The following RFX3 variants were observed in gnomAD, a reference collection of about 807,000 sequenced individuals.
RFX3 encodes regulatory factor X3.
Under a neutral mutation model 98.6 loss-of-function variants are expected in RFX3, and 14 were observed. That is an observed-to-expected ratio of 0.14 (90% CI 0.09 to 0.22). The LOEUF (loss-of-function observed/expected upper bound fraction) is 0.22. Among genes scored for constraint, RFX3 ranks in the 10% least tolerant of loss-of-function variants. The pLI, the probability that RFX3 is intolerant of heterozygous loss-of-function variation, is 1.00. For missense variants in RFX3, 639 were observed against 926.9 expected (o/e 0.69, Z 4.03); for synonymous variants, 383 against 328.4 (o/e 1.17, Z -1.80).
Position 3,395,687 on chromosome 9 carries a change from C to A in RFX3, c.-8-91G>T, listed in dbSNP as rs373720411. Reference sequence around the variant, plus strand: ...TTGTTCTTAAAATCCTATACTGAAACTAACTTTCAACTCTCATACCTCTTA... The same window carrying A: ...TTGTTCTTAAAATCCTATACTGAAAATAACTTTCAACTCTCATACCTCTTA... On this transcript the variant is annotated intron_variant, in intron 1 of 16. Transcript: ENST00000617270. The A allele has an allele frequency of 7.5e-5, 104 of 1,384,786 alleles. 2 individuals are homozygous for A. The African/African-American group carries it at 1.3e-3, about 17-fold the overall frequency. 85.8% of individuals were successfully genotyped at this position (1,384,786 alleles called of 1,614,324 possible).
chr9:3,246,232 C>T (rs7873658), intron 15 of RFX3, among the ~76,000 whole-genome samples: 27,122 of 151,750 alleles, frequency 0.18, 2,873 homozygotes, highest in African/African-American at 0.3. Context: ...TTAGATTTTA[C>T]GTATATATCT....
intron 4 of RFX3, among the ~76,000 whole-genome samples, chr9:3,313,077 C>G (rs1416655609): frequency 6.6e-6 from 1 of 152,202 alleles, no homozygotes; most frequent in Non-Finnish European, 1.5e-5. Context: ...TCAAGTGGGT[C>G]CCTGACCACC....
At chr9:3,454,339 C>G (rs1393133980) in intron 1 of RFX3, among the ~76,000 whole-genome samples, 1 of 152,160 alleles carries the variant, frequency 6.6e-6, no homozygotes, top group Admixed American at 6.5e-5. Context: ...TTGAATGCAA[C>G]TTCAGATATG....
intron 1 of RFX3, among the ~76,000 whole-genome samples, chr9:3,415,011 CATATATATACTTATATATTTACTTTT>C (rs1842845067): frequency 7.6e-6 from 1 of 132,412 alleles, no homozygotes; most frequent in Non-Finnish European, 1.6e-5. Flanking sequence ...TATATATACT[CATATATATACTTATATATTTACTTTT>C]ATATATATAC....
chr9:3,469,776 G>C (rs1192454552), intron 1 of RFX3, among the ~76,000 whole-genome samples: 3 of 151,104 alleles, frequency 2.0e-5, no homozygotes, highest in African/African-American at 7.3e-5. Context: ...AAAAATTATA[G>C]ATCATGTTGC....
rs1817284332 is a variant in RFX3, at chr9:3,220,499, T to C, written c.*4543A>G. 2 of 149,082 alleles carry C rather than the reference T, an allele frequency of 1.3e-5. No individual in the cohort carries two copies. The highest frequency in any genetic ancestry group is 6.7e-5 in the Admixed American group (1 of 14,984). 9.2% of individuals were successfully genotyped at this position (149,082 alleles called of 1,614,324 possible). A position where few individuals can be genotyped will look rare whatever the true frequency, so the allele number is the denominator to read the frequency against. ...TATGGTGTGATACTAGAAAAGTTGA[T>C]TTTTTTTTTCTGTAAACAGTACACT... On this transcript the variant is annotated 3_prime_UTR_variant, in exon 17 of 17. Coordinates refer to ENST00000617270, the MANE Select transcript of RFX3 (RefSeq NM_001282116.2).
intron 1 of RFX3, among the ~76,000 whole-genome samples, chr9:3,463,876 G>A (rs368569903): frequency 6.6e-6 from 1 of 152,084 alleles, no homozygotes; most frequent in Non-Finnish European, 1.5e-5. Context: ...CAGAGGGTGA[G>A]GTGGGAGGAT....
Position 3,505,250 on chromosome 9 carries a change from ATG to A in RFX3, c.-9+20495_-9+20496del, listed in dbSNP as rs1816862904. Reference sequence around the variant, plus strand: ...TATATGAATATATATTTATATATATATGAATATATATTTATATATATATGAAT... The same window carrying A: ...TATATGAATATATATTTATATATATAAATATATATTTATATATATATGAAT... On this transcript the variant is annotated intron_variant, in intron 1 of 16. Transcript: ENST00000617270. Among the ~76,000 whole-genome samples, 6 of 75,746 alleles carry A rather than the reference ATG, an allele frequency of 7.9e-5. No homozygotes were observed. In the South Asian group the frequency reaches 2.4e-3, roughly 30 times the overall value. 49.7% of individuals were successfully genotyped at this position (75,746 alleles called of 152,430 possible). A position where few individuals can be genotyped will look rare whatever the true frequency, so the allele number is the denominator to read the frequency against.
At chr9:3,287,153 G>C (rs933730897) in intron 7 of RFX3, among the ~76,000 whole-genome samples, 18 of 151,788 alleles carry the variant, frequency 1.2e-4, no homozygotes, top group African/African-American at 4.4e-4. Flanking sequence ...TGACTAAATA[G>C]TATAAAATTA....
intron 15 of RFX3, chr9:3,247,798 G>C (rs770196841): frequency 6.2e-7 from 1 of 1,605,180 alleles, no homozygotes; most frequent in South Asian, 1.1e-5. Flanking sequence ...ATAATATAGA[G>C]ACACATTCCA....
chr9:3,450,362 CAG>C (rs1194047735), intron 1 of RFX3, among the ~76,000 whole-genome samples: 2 of 152,040 alleles, frequency 1.3e-5, no homozygotes, highest in African/African-American at 2.4e-5. Flanking sequence ...TAACTATCCT[CAG>C]AGGTCATGTT....
chr9:3,247,314 A>G lies in RFX3; in HGVS notation c.1968+718T>C, dbSNP rs180929535. 1.8e-3 allele frequency: 1,826 copies of G among 987,182 alleles called. 8 individuals carry two copies. The highest frequency in any genetic ancestry group is 1.9e-3 in the Non-Finnish European group (1,542 of 831,146). The allele number at this position is 987,182 out of a possible 1,614,324, so 61.2% of individuals were successfully genotyped here. On this transcript the variant is annotated intron_variant, in intron 15 of 16. Coordinates refer to ENST00000617270, the MANE Select transcript of RFX3 (RefSeq NM_001282116.2). ...TTTTGATGACTATTCAGAAATTCTGAAGAAGAGAATTTTCCCCCTTACATC... is the reference window on the plus strand; with the variant it reads ...TTTTGATGACTATTCAGAAATTCTGGAGAAGAGAATTTTCCCCCTTACATC...
intron 9 of RFX3, among the ~76,000 whole-genome samples, chr9:3,272,278 G>C (rs1374059926): frequency 2.0e-5 from 3 of 152,064 alleles, no homozygotes; most frequent in African/African-American, 7.2e-5. Flanking sequence ...GCCCCACAAA[G>C]ATCTATAAAA....
intron 1 of RFX3, among the ~76,000 whole-genome samples, chr9:3,399,891 G>T (rs1841307281): frequency 6.6e-6 from 1 of 151,538 alleles, no homozygotes; most frequent in Admixed American, 6.6e-5. Context: ...AGAGGTTGCG[G>T]TGAGCCAAGA....
intron 1 of RFX3, among the ~76,000 whole-genome samples, chr9:3,480,764 G>T (rs1212470140): frequency 6.6e-6 from 1 of 152,154 alleles, no homozygotes; most frequent in Non-Finnish European, 1.5e-5. Flanking sequence ...CTAAGCTTCA[G>T]CTGCTGTATT....
chr9:3,281,482 T>C (rs1825907364), intron 7 of RFX3, among the ~76,000 whole-genome samples: 1 of 151,766 alleles, frequency 6.6e-6, no homozygotes, highest in African/African-American at 2.4e-5. Context: ...ATTTTTAGAT[T>C]TGGTTTTCCC....
intron 5 of RFX3, among the ~76,000 whole-genome samples, chr9:3,298,537 G>A (rs992853001): frequency 1.6e-4 from 25 of 151,780 alleles, no homozygotes; most frequent in African/African-American, 5.8e-4. Context: ...CTAGGCACTA[G>A]GGATGCACTG....
intron 5 of RFX3, among the ~76,000 whole-genome samples, chr9:3,296,234 A>G (rs563962151): frequency 6.6e-6 from 1 of 151,998 alleles, no homozygotes; most frequent in Non-Finnish European, 1.5e-5. Context: ...ATATATATAT[A>G]TGGGTTAATC....
At chr9:3,295,534 C>T (rs1827886774) in intron 5 of RFX3, among the ~76,000 whole-genome samples, 1 of 151,982 alleles carries the variant, frequency 6.6e-6, no homozygotes, top group Admixed American at 6.6e-5. Context: ...TCTGGAAAGG[C>T]AGACATAAAA....
Sources: gnomAD v4.1 joint callset for allele counts (sites outside exome capture counted in the v4.1 genomes callset) on GRCh38, gnomAD v4.1.1 for gene constraint, MANE v1.5 for transcripts, NCBI Gene and HGNC (gene_info 2026-07-23, HGNC 2026-07-21) for gene names.